The following YEATS2 variants were observed in gnomAD, a reference collection of about 807,000 sequenced individuals.
YEATS2 encodes YEATS domain containing 2.
YEATS2 carries 77 observed loss-of-function variants against 163.2 expected under a neutral mutation model. That is an observed-to-expected ratio of 0.47 (90% confidence interval 0.39 to 0.57). The LOEUF (loss-of-function observed/expected upper bound fraction) is 0.57, where lower values mean the gene tolerates loss of function less well. Ranked by LOEUF, YEATS2 falls within the 20% of genes least tolerant of loss-of-function variation. The probability of loss-of-function intolerance (pLI) is 0.00; values close to 1 mark genes in which losing one functional copy is unlikely to be tolerated. For synonymous variants in YEATS2, 631 were observed against 645.1 expected, an observed-to-expected ratio of 0.98 and a Z score of 0.33; for missense variants, 1,549 against 1,729.8, an observed-to-expected ratio of 0.90 and a Z score of 1.85.
At chr3:183,699,177 T>C (rs560862795) in intron 1 of YEATS2, among the ~76,000 whole-genome samples, 9 of 152,126 alleles carry the variant, frequency 5.9e-5, no homozygotes, top group Admixed American at 5.9e-4. Context: ...TGAACAAGAC[T>C]TGGATTGGTG....
rs1270430684 is a variant in YEATS2, at chr3:183,800,478, C to T, written c.3338C>T (p.Pro1113Leu). The part of the protein sequence containing the change: ...PAAVAKVKTE[P>L]ETPGPSCLSQ... ...TCTTCCCTTGTAGTGAAGACTGAAC[C>T]AGAAACACCTGGACCGAGTTGCCTC... The change falls in exon 24 of 31, where the codon CCA becomes CTA. Residue 1113 changes from proline (P) to leucine (L), a missense_variant. Coordinates refer to ENST00000305135, the MANE Select transcript of YEATS2 (RefSeq NM_018023.5). The T allele has an allele frequency of 1.9e-6, 3 of 1,613,822 alleles. No homozygotes were observed. Among genetic ancestry groups the T allele is most frequent in the Non-Finnish European group, 2.5e-6 (3 of 1,179,914 alleles).
At chr3:183,788,443 G>A (rs1240026379) in intron 20 of YEATS2, among the ~76,000 whole-genome samples, 2 of 152,080 alleles carry the variant, frequency 1.3e-5, no homozygotes, top group Admixed American at 6.6e-5. Context: ...TTAACATAAT[G>A]TCCTCCAGTT....
At chr3:183,809,729 G>A (rs1265335570) in intron 30 of YEATS2, among the ~76,000 whole-genome samples, 1 of 152,154 alleles carries the variant, frequency 6.6e-6, no homozygotes, top group Non-Finnish European at 1.5e-5. Context: ...TCTGTTCCTA[G>A]GCCCTGAAAG....
intron 15 of YEATS2, among the ~76,000 whole-genome samples, chr3:183,763,439 G>A (rs538932557): frequency 1.3e-5 from 2 of 152,244 alleles, no homozygotes; most frequent in African/African-American, 4.8e-5. Context: ...CTAAAACATC[G>A]TTAATGTGGT....
chr3:183,771,011 A>G (rs965974305), intron 15 of YEATS2, among the ~76,000 whole-genome samples: 1 of 152,206 alleles, frequency 6.6e-6, no homozygotes, highest in African/African-American at 2.4e-5. Context: ...TGTTCCCTTG[A>G]ACGCATGTAT....
At chr3:183,721,087 T>A (rs568550345) in intron 4 of YEATS2, among the ~76,000 whole-genome samples, 2 of 152,350 alleles carry the variant, frequency 1.3e-5, no homozygotes, top group East Asian at 3.8e-4. Flanking sequence ...ATATGCTGAT[T>A]TTATCCTCTT....
intron 2 of YEATS2, 138 bp from the exon 3 acceptor site, chr3:183,717,513 A>C: frequency 1.7e-6 from 1 of 573,398 alleles, no homozygotes; most frequent in Non-Finnish European, 3.0e-6. Context: ...GTTTTTCATC[A>C]CTTGGTTAAG....
At chr3:183,775,857 A>G in intron 17 of YEATS2, 58 bp from the exon 18 acceptor site, 1 of 1,607,766 alleles carries the variant, frequency 6.2e-7, no homozygotes, top group Non-Finnish European at 8.5e-7. Context: ...TTTGTTTTTT[A>G]TGCTAAAGCT....
At position 183,773,735 on chromosome 3, in the gene YEATS2, G is replaced by A. The variant is rs755090141; in HGVS notation, c.2309G>A (p.Gly770Glu). ...YLTTNSKNPSGKGKLLLIPQG... is the reference protein window; with the variant it reads ...YLTTNSKNPSEKGKLLLIPQG... ...ACTACAAACAGCAAGAACCCTTCAG[G>A]AAAAGGAAAACTGCTGCTGATCCCT... The change falls in exon 17 of 31, where the codon GGA becomes GAA. Residue 770 changes from glycine (G) to glutamate (E), a missense_variant. Gly to Glu is a moderately conservative substitution (Grantham distance 98). Coordinates refer to ENST00000305135, the MANE Select transcript of YEATS2 (RefSeq NM_018023.5). The A allele has an allele frequency of 6.2e-7, 1 of 1,613,392 alleles. No homozygotes were observed. The highest frequency in any genetic ancestry group is 1.1e-5 in the South Asian group (1 of 90,892).
chr3:183,736,847 T>C lies in YEATS2; in HGVS notation c.924+18T>C. The C allele has an allele frequency of 6.3e-7, 1 of 1,595,942 alleles. No homozygotes were observed. Among genetic ancestry groups the C allele is most frequent in the South Asian group, 1.1e-5 (1 of 89,466 alleles). On this transcript the variant is annotated intron_variant, in intron 8 of 30. Transcript: ENST00000305135. ...ATCTGAAGGTATTGTAACAAAACAT[T>C]GCTCCCTAGTTTTGAAGTCTCTTTT...
At chr3:183,795,911 T>G (rs1725100878) in intron 21 of YEATS2, among the ~76,000 whole-genome samples, 1 of 151,932 alleles carries the variant, frequency 6.6e-6, no homozygotes, top group South Asian at 2.1e-4. Context: ...GTATTTAAGA[T>G]TATTCCTTTC....
intron 27 of YEATS2, among the ~76,000 whole-genome samples, chr3:183,805,773 C>G (rs927951454): frequency 6.6e-6 from 1 of 151,512 alleles, no homozygotes; most frequent in African/African-American, 2.4e-5. Context: ...TGGGTGACAG[C>G]GCAAAACCCT....
At position 183,698,374 on chromosome 3, in the gene YEATS2, C is replaced by T. The variant is rs1713707695; in HGVS notation, c.-20+381C>T. On this transcript the variant is annotated intron_variant, in intron 1 of 30. Coordinates refer to ENST00000305135, the MANE Select transcript of YEATS2 (RefSeq NM_018023.5). ...GTTTACCGAAAGGATCCTGGAATGC[C>T]CCTCCAACCTGTCGCCATCCCCACC... Among the ~76,000 whole-genome samples the T allele has an allele frequency of 3.3e-5, 5 of 152,290 alleles. No homozygotes were observed. In the South Asian group the frequency reaches 1.0e-3, roughly 32 times the overall value.
At chr3:183,719,097 A>G (rs1716224307) in intron 4 of YEATS2, among the ~76,000 whole-genome samples, 1 of 152,028 alleles carries the variant, frequency 6.6e-6, no homozygotes, top group South Asian at 2.1e-4. Context: ...GTGTTCAACC[A>G]TAGTCCTTCA....
At chr3:183,710,696 G>GTTTTTTT (rs66483673) in intron 1 of YEATS2, among the ~76,000 whole-genome samples, 1 of 148,412 alleles carries the variant, frequency 6.7e-6, no homozygotes, top group African/African-American at 2.5e-5. Context: ...CAAAGAGAGG[G>GTTTTTTT]TTTTTTTTTT....
At chr3:183,706,837 G>A (rs1357269950) in intron 1 of YEATS2, among the ~76,000 whole-genome samples, 1 of 152,094 alleles carries the variant, frequency 6.6e-6, no homozygotes, top group Non-Finnish European at 1.5e-5. Context: ...AAGTTAGGTG[G>A]AGCATTGGTA....
chr3:183,772,709 T>C lies in YEATS2; in HGVS notation c.2206+146T>C, dbSNP rs568255910. ...GAAGTGTATTGAAATGTTTGTTCTT[T>C]TTTATGGGACATTTTACATAAAGGT... On this transcript the variant is annotated intron_variant, in intron 16 of 30. Transcript: ENST00000305135. 10 of 1,044,974 alleles carry C rather than the reference T, an allele frequency of 9.6e-6. No individual in the cohort carries two copies. In the Admixed American group the frequency reaches 1.1e-4, roughly 12 times the overall value. The allele number at this position is 1,044,974 out of a possible 1,614,324, so 64.7% of individuals were successfully genotyped here. A position where few individuals can be genotyped will look rare whatever the true frequency, so the allele number is the denominator to read the frequency against.
At position 183,807,891 on chromosome 3, in the gene YEATS2, C is replaced by T. The variant is rs539221815; in HGVS notation, c.4012-139C>T. On this transcript the variant is annotated intron_variant, in intron 28 of 30. Transcript: ENST00000305135. ...GATGTTATATTCCGTGTTCCTTTCC[C>T]GTGAATTTTGCCCAATATGTTTGCA... The T allele has an allele frequency of 1.8e-4, 111 of 605,308 alleles. 2 individuals are homozygous for T. In the South Asian group the frequency reaches 2.2e-3, roughly 12 times the overall value. The allele number at this position is 605,308 out of a possible 1,614,324, so 37.5% of individuals were successfully genotyped here. A position where few individuals can be genotyped will look rare whatever the true frequency, so the allele number is the denominator to read the frequency against.
Position 183,728,742 on chromosome 3 carries a change from A to T in YEATS2, c.703A>T (p.Met235Leu). The T allele has an allele frequency of 1.2e-6, 2 of 1,613,832 alleles. No individual in the cohort carries two copies. The highest frequency in any genetic ancestry group is 1.7e-6 in the Non-Finnish European group (2 of 1,179,902). ...EENDQSTHKW[M>L]VYVRGSRREP... Reference sequence around the variant, plus strand: ...AAATGACCAGTCAACTCATAAGTGGATGGTATATGTCCGAGGGTCCCGTAG... The same window carrying T: ...AAATGACCAGTCAACTCATAAGTGGTTGGTATATGTCCGAGGGTCCCGTAG... The change falls in exon 7 of 31, where the codon ATG (methionine) becomes TTG (leucine). Residue 235 changes from methionine (M) to leucine (L), a missense_variant. Transcript: ENST00000305135.
Sources: gnomAD v4.1 joint callset for allele counts (sites outside exome capture counted in the v4.1 genomes callset) on GRCh38, gnomAD v4.1.1 for gene constraint, MANE v1.5 for transcripts, NCBI Gene and HGNC (gene_info 2026-07-23, HGNC 2026-07-21) for gene names.